Variants in WDFY2 observed in about 807,000 individuals in gnomAD.
WDFY2 encodes WD repeat and FYVE domain containing 2, also known as WD repeat and FYVE domain-containing protein 2.
In WDFY2, 36 loss-of-function variants were observed where a neutral mutation model predicts 56.4. That is an observed-to-expected ratio of 0.64 (90% CI 0.49 to 0.84). WDFY2 has a LOEUF of 0.84. Ranked by LOEUF, WDFY2 falls within the 40% of genes least tolerant of loss-of-function variation. The pLI, the probability that WDFY2 is intolerant of heterozygous loss-of-function variation, is 0.00. For missense variants in WDFY2, 444 were observed against 512.2 expected (o/e 0.87, Z 1.29); for synonymous variants, 176 against 183.7 (o/e 0.96, Z 0.34).
rs74086222 is a variant in WDFY2, at chr13:51,620,491, T to C, written c.137+35667T>C. ...TCCCCTCTGGGTCTCTGTCTTATCC[T>C]TCATCCTGCTCTTGCCCTAGTGGTC... On this transcript the variant is annotated intron_variant, in intron 1 of 11. Transcript: ENST00000298125. 3.9e-3 allele frequency among the ~76,000 whole-genome samples: 593 copies of C among 152,164 alleles called. 6 individuals carry two copies. Among genetic ancestry groups the C allele is most frequent in the African/African-American group, 0.014 (568 of 41,516 alleles).
At chr13:51,676,006 T>C (rs1447897174) in intron 3 of WDFY2, among the ~76,000 whole-genome samples, 1 of 152,180 alleles carries the variant, frequency 6.6e-6, no homozygotes, top group African/African-American at 2.4e-5. Context: ...CTTCAGAACC[T>C]ATGAATTAGA....
intron 1 of WDFY2, among the ~76,000 whole-genome samples, chr13:51,602,143 T>A (rs975879815): frequency 6.6e-6 from 1 of 152,214 alleles, no homozygotes; most frequent in African/African-American, 2.4e-5. Flanking sequence ...CCTAACCAAC[T>A]GTAATTAATG....
intron 6 of WDFY2, among the ~76,000 whole-genome samples, chr13:51,728,158 C>A (rs1952645799): frequency 6.6e-6 from 1 of 152,172 alleles, no homozygotes; most frequent in African/African-American, 2.4e-5. Context: ...CTGACCTTGC[C>A]CTTCCTGGAG....
At chr13:51,584,953 G>T in intron 1 of WDFY2, 129 bp downstream of exon 1, 4 of 1,295,442 alleles carry the variant, frequency 3.1e-6, no homozygotes, top group Non-Finnish European at 4.2e-6. Flanking sequence ...ATTGTAATGC[G>T]CATCCTGGTG....
intron 2 of WDFY2, among the ~76,000 whole-genome samples, chr13:51,667,694 A>G (rs1301050324): frequency 6.6e-6 from 1 of 152,006 alleles, no homozygotes; most frequent in African/African-American, 2.4e-5. Flanking sequence ...CCTTACTTCA[A>G]AAAAACCTCT....
chr13:51,602,637 T>A (rs1452762295), intron 1 of WDFY2, among the ~76,000 whole-genome samples: 2 of 152,266 alleles, frequency 1.3e-5, no homozygotes, highest in Non-Finnish European at 2.9e-5. Flanking sequence ...TCACATCTGC[T>A]TATAAATATG....
At chr13:51,654,561 C>A (rs1472931797) in intron 1 of WDFY2, among the ~76,000 whole-genome samples, 2 of 152,086 alleles carry the variant, frequency 1.3e-5, no homozygotes, top group African/African-American at 4.8e-5. Flanking sequence ...GACTTTTTTT[C>A]CCCCAATACC....
chr13:51,607,231 T>C (rs1171345701), intron 1 of WDFY2, among the ~76,000 whole-genome samples: 1 of 152,222 alleles, frequency 6.6e-6, no homozygotes, highest in Non-Finnish European at 1.5e-5. Context: ...TTGTGCAAAG[T>C]CCAGTGAGTT....
At chr13:51,671,776 CTTTTTTT>C (rs564584742) in intron 2 of WDFY2, among the ~76,000 whole-genome samples, 49 of 61,998 alleles carry the variant, frequency 7.9e-4, no homozygotes, top group East Asian at 4.9e-3. Context: ...GTTGCATTTG[CTTTTTTT>C]TTTTTTTTTT....
intron 1 of WDFY2, chr13:51,586,187 T>TA: frequency 2.5e-6 from 1 of 397,396 alleles, no homozygotes; most frequent in Non-Finnish European, 4.4e-6. Flanking sequence ...AAAATTTTAT[T>TA]AAAAAGACTG....
At chr13:51,742,805 C>G (rs147553597) in intron 7 of WDFY2, among the ~76,000 whole-genome samples, 93 of 152,272 alleles carry the variant, frequency 6.1e-4, no homozygotes, top group Non-Finnish European at 1.1e-3. Context: ...AGCCATGACC[C>G]TTGGCACTTC....
chr13:51,628,129 C>T (rs2138372867), intron 1 of WDFY2, among the ~76,000 whole-genome samples: 1 of 152,298 alleles, frequency 6.6e-6, no homozygotes, highest in Middle Eastern at 3.4e-3. Flanking sequence ...CTGTCTGCGT[C>T]CTGGCATCAA....
At chr13:51,612,801 C>A (rs992193113) in intron 1 of WDFY2, among the ~76,000 whole-genome samples, 10 of 152,280 alleles carry the variant, frequency 6.6e-5, no homozygotes, top group Non-Finnish European at 1.0e-4. Flanking sequence ...ATTCTTTCTC[C>A]ACCTTCCTCC....
intron 1 of WDFY2, among the ~76,000 whole-genome samples, chr13:51,609,060 TA>T (rs1954438932): frequency 6.6e-6 from 1 of 152,028 alleles, no homozygotes; most frequent in Admixed American, 6.6e-5. Context: ...GAAGTGAGAG[TA>T]GGGGGAAGTG....
intron 1 of WDFY2, among the ~76,000 whole-genome samples, chr13:51,624,830 G>C (rs554411901): frequency 6.6e-6 from 1 of 152,210 alleles, no homozygotes; most frequent in Non-Finnish European, 1.5e-5. Context: ...TTGGCTGAGG[G>C]AACAGCCAGT....
intron 3 of WDFY2, among the ~76,000 whole-genome samples, chr13:51,678,639 A>G (rs1030018745): frequency 6.6e-6 from 1 of 152,172 alleles, no homozygotes; most frequent in African/African-American, 2.4e-5. Flanking sequence ...TTTATGTCTC[A>G]TGTATTCTAG....
At position 51,650,212 on chromosome 13, in the gene WDFY2, G is replaced by C. The variant is rs865783084; in HGVS notation, c.138-10384G>C. On this transcript the variant is annotated intron_variant, in intron 1 of 11. Coordinates refer to ENST00000298125, the MANE Select transcript of WDFY2 (RefSeq NM_052950.4). ...ATGGGAGTTCACTCATGATTTGGCTGTTTGTCTGTTATTGGTGTATAAGAA... is the reference window on the plus strand; with the variant it reads ...ATGGGAGTTCACTCATGATTTGGCTCTTTGTCTGTTATTGGTGTATAAGAA... Among the ~76,000 whole-genome samples the C allele has an allele frequency of 3.0e-3, 454 of 151,640 alleles. 2 individuals carry two copies. Among genetic ancestry groups the C allele is most frequent in the African/African-American group, 0.01 (430 of 41,388 alleles).
Position 51,727,874 on chromosome 13 carries a change from G to T in WDFY2, c.598+84G>T, listed in dbSNP as rs1952639209. On this transcript the variant is annotated intron_variant, in intron 6 of 11. Transcript: ENST00000298125. ...ATCTCCTGATGTTCAGATATGTTTTGAAAGTGGCAAAGTACAATCCATGCT... is the reference window on the plus strand; with the variant it reads ...ATCTCCTGATGTTCAGATATGTTTTTAAAGTGGCAAAGTACAATCCATGCT... 4 of 1,315,234 alleles carry T rather than the reference G, an allele frequency of 3.0e-6. No individual in the cohort carries two copies. In the Admixed American group the frequency reaches 8.0e-5, roughly 26 times the overall value. 81.5% of individuals were successfully genotyped at this position (1,315,234 alleles called of 1,614,324 possible). A position where few individuals can be genotyped will look rare whatever the true frequency, so the allele number is the denominator to read the frequency against.
intron 1 of WDFY2, among the ~76,000 whole-genome samples, chr13:51,614,657 A>C (rs1954575839): frequency 1.3e-5 from 2 of 152,148 alleles, no homozygotes; most frequent in Admixed American, 6.5e-5. Context: ...TCTTTCAAAG[A>C]GCTTCCTGGA....
Sources: gnomAD v4.1 joint callset for allele counts (sites outside exome capture counted in the v4.1 genomes callset) on GRCh38, gnomAD v4.1.1 for gene constraint, MANE v1.5 for transcripts, NCBI Gene and HGNC (gene_info 2026-07-23, HGNC 2026-07-21) for gene names.